Variants in PITRM1 observed in about 807,000 individuals in gnomAD.
PITRM1 encodes the protein presequence protease, mitochondrial.
Under a neutral mutation model 129.9 loss-of-function variants are expected in PITRM1, and 100 were observed. The ratio of observed to expected loss-of-function variants is 0.77; its 90% CI spans 0.65 to 0.91. The LOEUF (loss-of-function observed/expected upper bound fraction) is 0.91, where lower values mean the gene tolerates loss of function less well. Among genes scored for constraint, PITRM1 ranks in the 40% least tolerant of loss-of-function variants. PITRM1 has a pLI of 0.00. For missense variants in PITRM1, 1,471 were observed against 1,318.3 expected (o/e 1.12, Z -1.79); for synonymous variants, 591 against 508.8 (o/e 1.16, Z -2.17).
At chr10:3,153,628 A>C (rs1055036931) in intron 14 of PITRM1, among the ~76,000 whole-genome samples, 7 of 152,082 alleles carry the variant, frequency 4.6e-5, no homozygotes, top group East Asian at 3.9e-4. Flanking sequence ...CAAAAAAAAA[A>C]CCAAAAAAAC....
At chr10:3,155,020 C>T (rs553066992) in intron 14 of PITRM1, among the ~76,000 whole-genome samples, 2 of 152,316 alleles carry the variant, frequency 1.3e-5, no homozygotes, top group South Asian at 2.1e-4. Flanking sequence ...CTCACTGACC[C>T]GACAGTTCTC....
At chr10:3,143,650 C>A (rs965943927) in intron 22 of PITRM1, 149 bp from the exon 23 acceptor site, 2 of 716,394 alleles carry the variant, frequency 2.8e-6, no homozygotes, top group African/African-American at 3.5e-5. Flanking sequence ...GTCCCATCTC[C>A]GTGACACTCT....
At position 3,170,102 on chromosome 10, in the gene PITRM1, A is replaced by T. The variant is rs1409209147; in HGVS notation, c.159+2T>A. On this transcript the variant is annotated splice_donor_variant, in intron 2 of 26. Transcript: ENST00000224949. LOFTEE classifies it high-confidence loss of function. ...TAAGGAGGTGCCGAGGACGACCCAT[A>T]CCTGGTTTACGGTGAATCCATGGAT... is the stretch of plus-strand genomic sequence containing the variant. The T allele has an allele frequency of 1.9e-6, 3 of 1,608,212 alleles. No individual in the cohort carries two copies. The highest frequency in any genetic ancestry group is 2.6e-6 in the Non-Finnish European group (3 of 1,174,692).
chr10:3,155,172 T>C (rs143334658), intron 14 of PITRM1, among the ~76,000 whole-genome samples: 15 of 152,254 alleles, frequency 9.9e-5, no homozygotes, highest in Non-Finnish European at 1.8e-4. Flanking sequence ...GCCTCACGCC[T>C]GTCCCACAGA....
chr10:3,158,224 T>C, intron 10 of PITRM1, 71 bp from the exon 11 acceptor site: 1 of 863,024 alleles, frequency 1.2e-6, no homozygotes, highest in South Asian at 1.4e-5. Flanking sequence ...ATATGCTTGA[T>C]TTAAAGATCA....
At chr10:3,167,877 G>C (rs916876215) in intron 2 of PITRM1, 2 of 152,132 alleles carry the variant, frequency 1.3e-5, no homozygotes, top group Non-Finnish European at 2.9e-5. Flanking sequence ...GTGGCTTCCA[G>C]AACAGCTGGA....
chr10:3,166,178 G>A (rs1237582445), intron 4 of PITRM1, 51 bp downstream of exon 4: 26 of 1,455,262 alleles, frequency 1.8e-5, no homozygotes, highest in Non-Finnish European at 2.1e-5. Flanking sequence ...AATTCCAGTG[G>A]GTGTGCCTGG....
chr10:3,139,116 T>C, intron 24 of PITRM1, 67 bp from the exon 25 acceptor site: 1 of 1,399,406 alleles, frequency 7.1e-7, no homozygotes, highest in Non-Finnish European at 1.0e-6. Context: ...CAAACCTCTG[T>C]CGACTTAACA....
chr10:3,150,958 C>T (rs143878194), intron 15 of PITRM1, among the ~76,000 whole-genome samples: 4 of 152,118 alleles, frequency 2.6e-5, no homozygotes, highest in East Asian at 1.9e-4. Context: ...ACAGTCACAG[C>T]GTAACCCAAA....
At chr10:3,163,010 A>G (rs1264926961) in intron 7 of PITRM1, 1 of 152,294 alleles carries the variant, frequency 6.6e-6, no homozygotes, top group Non-Finnish European at 1.5e-5. Context: ...TAGGGTCACA[A>G]ATTCAAACAT....
chr10:3,153,500 T>C (rs756735183), intron 14 of PITRM1, among the ~76,000 whole-genome samples: 44 of 152,098 alleles, frequency 2.9e-4, no homozygotes, highest in Non-Finnish European at 1.8e-4. Context: ...GCATCTGTAG[T>C]CTCAGCTACT....
rs1291517356 is a variant in PITRM1, at chr10:3,159,063, A to AC, written c.1008-22dup. ...TGATGCTGCATTGAAAAAAAAAGGA[A>AC]CGGGGAGGTAAGAAAAGAGTAAAGG... On this transcript the variant is annotated intron_variant, in intron 9 of 26. Transcript: ENST00000224949. 1.7e-5 allele frequency: 27 copies of AC among 1,597,432 alleles called. 1 individual carries two copies. In the Middle Eastern group the frequency reaches 5.0e-4, roughly 30 times the overall value.
chr10:3,163,999 G>T, intron 6 of PITRM1, 114 bp from the exon 7 acceptor site: 1 of 536,688 alleles, frequency 1.9e-6, no homozygotes, highest in South Asian at 3.7e-5. Context: ...GTAATACTTT[G>T]CAAATAAAGC....
Position 3,145,648 on chromosome 10 carries a change from C to G in PITRM1, c.2405G>C (p.Ser802Thr). Residue 802 changes from serine to threonine, a missense_variant, in exon 21 of 27, where the codon AGC (serine) becomes ACC (threonine). Transcript: ENST00000224949. ...CCGTTCCTTTTTACTCCGACCGATG[C>G]TTCTAAGGAAGTCTTCGACCGCTTT... Reference protein sequence around the residue: ...TEKAVEDFLRSIGRSKKERRP... With the variant: ...TEKAVEDFLRTIGRSKKERRP... 6.4e-7 allele frequency: 1 copy of G among 1,550,444 alleles called. No individual in the cohort carries two copies. The highest frequency in any genetic ancestry group is 8.7e-7 in the Non-Finnish European group (1 of 1,147,026).
intron 23 of PITRM1, among the ~76,000 whole-genome samples, chr10:3,142,756 TGGGGAGACA>T (rs1312331487): frequency 3.3e-5 from 5 of 152,156 alleles, no homozygotes; most frequent in African/African-American, 1.2e-4. Flanking sequence ...TCTGACTTGG[TGGGGAGACA>T]GGGGAGACAA....
At chr10:3,150,739 A>G (rs935812585) in intron 15 of PITRM1, among the ~76,000 whole-genome samples, 12 of 152,328 alleles carry the variant, frequency 7.9e-5, no homozygotes, top group Non-Finnish European at 1.6e-4. Flanking sequence ...AAAAGGTGCC[A>G]TGGAATGAAA....
Position 3,149,644 on chromosome 10 carries a change from G to T in PITRM1, c.1848C>A (p.Pro616=). The T allele has an allele frequency of 6.3e-7, 1 of 1,583,592 alleles. No homozygotes were observed. Among genetic ancestry groups the T allele is most frequent in the Non-Finnish European group, 8.6e-7 (1 of 1,168,274 alleles). ...TLPEELRPYV[P]LFCSVLTKLG... is the part of the protein sequence containing the mutation. The stretch of plus-strand genomic sequence containing the variant: ...ACTTGGTGAGGACGCTGCAGAAGAG[G>T]GGCACATAGGGCCTCAGCTCCTCGG... The change falls in exon 16 of 27, where the codon CCC becomes CCA. Residue 616 remains proline, a synonymous_variant. Coordinates refer to ENST00000224949, the MANE Select transcript of PITRM1 (RefSeq NM_014889.4).
Position 3,143,360 on chromosome 10 carries a change from C to A in PITRM1, c.2645+29G>T, listed in dbSNP as rs757094080. 8 of 1,396,968 alleles carry A rather than the reference C, an allele frequency of 5.7e-6. No homozygotes were observed. In the South Asian group the frequency reaches 6.9e-5, roughly 12 times the overall value. 86.5% of individuals were successfully genotyped at this position (1,396,968 alleles called of 1,614,324 possible). ...ACAAGCTCTTCCGTAAGGCTCAGGCCTGAGAGGTCCCGACCTACACCCTCC... is the reference window on the plus strand; with the variant it reads ...ACAAGCTCTTCCGTAAGGCTCAGGCATGAGAGGTCCCGACCTACACCCTCC... On this transcript the variant is annotated intron_variant, in intron 23 of 26. Coordinates refer to ENST00000224949, the MANE Select transcript of PITRM1 (RefSeq NM_014889.4).
At position 3,170,213 on chromosome 10, in the gene PITRM1, TAA is replaced by T. The variant is rs759050841; in HGVS notation, c.57-9_57-8del. 6.8e-6 allele frequency: 11 copies of T among 1,610,188 alleles called. No individual in the cohort carries two copies. The South Asian group carries it at 1.1e-4, about 16-fold the overall frequency. ...CGCTCTGTGGTGTGCATGTCTAGAT[TAA>T]AAGTCATCTAAGTTAGATGAGTTGC... On this transcript the variant is annotated splice_polypyrimidine_tract_variant and splice_region_variant and intron_variant, in intron 1 of 26. Coordinates refer to ENST00000224949, the MANE Select transcript of PITRM1 (RefSeq NM_014889.4).
Sources: allele counts gnomAD v4.1 joint callset (sites outside exome capture counted in the v4.1 genomes callset), GRCh38; gene constraint gnomAD v4.1.1; transcripts MANE v1.5; gene names NCBI Gene and HGNC (gene_info 2026-07-23, HGNC 2026-07-21).